Variants in FAM20B observed in about 807,000 individuals in gnomAD.
FAM20B encodes the protein glycosaminoglycan xylosylkinase.
In FAM20B, 23 loss-of-function variants were observed where a neutral mutation model predicts 43.8. That is an observed-to-expected ratio of 0.53 (90% CI 0.38 to 0.74). FAM20B has a LOEUF of 0.74. Among genes scored for constraint, FAM20B ranks in the 30% least tolerant of loss-of-function variants. FAM20B has a pLI of 0.00. For missense variants in FAM20B, 440 were observed against 510.5 expected (o/e 0.86, Z 1.33); for synonymous variants, 178 against 192.4 (o/e 0.93, Z 0.62).
At chr1:179,060,648 G>A (rs756902268) in intron 4 of FAM20B, among the ~76,000 whole-genome samples, 12 of 152,184 alleles carry the variant, frequency 7.9e-5, no homozygotes, top group Non-Finnish European at 1.3e-4. Flanking sequence ...CCCTGTCTGT[G>A]GAAAATTGTC....
the FAM20B span, among the ~76,000 whole-genome samples, chr1:179,017,382 C>G: frequency 6.6e-6 from 1 of 152,194 alleles, no homozygotes; most frequent in Non-Finnish European, 1.5e-5. Context: ...GCTTGAGCCT[C>G]TTTTGAGCTT....
chr1:179,047,879 T>C (rs1347401735), intron 2 of FAM20B, among the ~76,000 whole-genome samples: 1 of 152,222 alleles, frequency 6.6e-6, no homozygotes, highest in Non-Finnish European at 1.5e-5. Context: ...TTTGCTGCTC[T>C]GTCAGTGACT....
upstream of FAM20B, among the ~76,000 whole-genome samples, chr1:179,021,317 C>CAA (rs943728584): frequency 6.7e-6 from 1 of 148,338 alleles, no homozygotes; most frequent in African/African-American, 2.5e-5. Flanking sequence ...TCCATCACAA[C>CAA]AAAAAAAAAA....
chr1:179,066,924 C>T (rs1057105462), intron 7 of FAM20B, 65 bp downstream of exon 7: 3 of 1,186,928 alleles, frequency 2.5e-6, no homozygotes, highest in South Asian at 2.5e-5. Flanking sequence ...GGTAACAGTA[C>T]ATCCATTTTC....
At chr1:179,063,890 T>C (rs1651576414) in intron 4 of FAM20B, 37 bp from the exon 5 acceptor site, 1 of 1,506,998 alleles carries the variant, frequency 6.6e-7, no homozygotes, top group African/African-American at 1.4e-5. Context: ...GTCTTCGTTA[T>C]TTCCTTAAGT....
chr1:179,022,461 T>TGC (rs1309943999), upstream of FAM20B, among the ~76,000 whole-genome samples: 9 of 151,960 alleles, frequency 5.9e-5, no homozygotes, highest in South Asian at 2.1e-4. Context: ...TGTGTGTGTG[T>TGC]GCGCGCGCGC....
chr1:179,042,755 G>A (rs558575768), intron 1 of FAM20B, among the ~76,000 whole-genome samples: 1 of 152,306 alleles, frequency 6.6e-6, no homozygotes, highest in South Asian at 2.1e-4. Context: ...CAGCCATGTT[G>A]TTCTGATGAG....
chr1:179,070,405 G>A (rs575808767), intron 7 of FAM20B, among the ~76,000 whole-genome samples: 66 of 151,420 alleles, frequency 4.4e-4, no homozygotes, highest in African/African-American at 9.0e-4. Flanking sequence ...AGGCTAGAAC[G>A]TTAAATATCA....
intron 1 of FAM20B, among the ~76,000 whole-genome samples, chr1:179,041,705 G>GGGAGACA (rs933796047): frequency 1.6e-5 from 2 of 123,764 alleles, no homozygotes; most frequent in East Asian, 2.3e-4. Context: ...GAGACGGGGA[G>GGGAGACA]GGAGACAGGA....
chr1:179,039,082 A>G (rs1182612836), intron 1 of FAM20B, among the ~76,000 whole-genome samples: 1 of 151,968 alleles, frequency 6.6e-6, no homozygotes, highest in Non-Finnish European at 1.5e-5. Flanking sequence ...CATTTGCTCT[A>G]TTTTTTTGTA....
At chr1:179,050,394 A>G (rs766037805) in intron 3 of FAM20B, 29 bp downstream of exon 3, 89 of 1,571,070 alleles carry the variant, frequency 5.7e-5, no homozygotes, top group Non-Finnish European at 7.5e-5. Flanking sequence ...GCTTATGTTC[A>G]TTTTGTTTGC....
Position 179,054,643 on chromosome 1 carries a change from G to A in FAM20B, c.574+5G>A. On this transcript the variant is annotated splice_donor_5th_base_variant and intron_variant, in intron 4 of 7. Transcript: ENST00000263733. ...TGAGCACCTTCCTAACTGTAGGTAA[G>A]AAGATTGTAGAGGACATTTATATAG... The A allele has an allele frequency of 6.5e-7, 1 of 1,545,732 alleles. No homozygotes were observed. The highest frequency in any genetic ancestry group is 8.9e-7 in the Non-Finnish European group (1 of 1,118,702).
At chr1:179,060,099 A>T (rs1259817059) in intron 4 of FAM20B, among the ~76,000 whole-genome samples, 1 of 79,628 alleles carries the variant, frequency 1.3e-5, no homozygotes, top group Non-Finnish European at 2.3e-5. Flanking sequence ...AAATATATAT[A>T]TATTTTTTTA....
chr1:179,038,036 A>G (rs571060953), intron 1 of FAM20B, among the ~76,000 whole-genome samples: 3 of 152,306 alleles, frequency 2.0e-5, no homozygotes, highest in East Asian at 3.9e-4. Context: ...CCTTTGTGCA[A>G]AATGTTTGGA....
At position 179,073,296 on chromosome 1, in the gene FAM20B, T is replaced by G. The variant is rs1376033019; in HGVS notation, c.*1152T>G. On this transcript the variant is annotated 3_prime_UTR_variant, in exon 8 of 8. Transcript: ENST00000263733. ...CCATGGAAGATTGGAAACAAAGATTTTAAGCCTTCTTCTTTTTTTCTTTTT... is the reference window on the plus strand; with the variant it reads ...CCATGGAAGATTGGAAACAAAGATTGTAAGCCTTCTTCTTTTTTTCTTTTT... 6.6e-6 allele frequency: 1 copy of G among 152,254 alleles called. No individual in the cohort carries two copies. The highest frequency in any genetic ancestry group is 1.5e-5 in the Non-Finnish European group (1 of 68,128). 9.4% of individuals were successfully genotyped at this position (152,254 alleles called of 1,614,324 possible).
chr1:179,043,102 T>C (rs550013728), intron 1 of FAM20B, among the ~76,000 whole-genome samples: 3 of 152,284 alleles, frequency 2.0e-5, no homozygotes, highest in African/African-American at 7.2e-5. Context: ...GTGCCCAAGC[T>C]GTTTGTACCA....
chr1:179,023,329 G>A (rs112469107), upstream of FAM20B, among the ~76,000 whole-genome samples: 6 of 152,336 alleles, frequency 3.9e-5, no homozygotes, highest in African/African-American at 1.4e-4. Flanking sequence ...TCTACAAGTG[G>A]GAATAAAGAT....
At chr1:179,051,809 G>C (rs1249851769) in intron 3 of FAM20B, among the ~76,000 whole-genome samples, 2 of 152,004 alleles carry the variant, frequency 1.3e-5, no homozygotes, top group Admixed American at 1.3e-4. Context: ...ACCACACCCA[G>C]CTAATTTTTT....
At chr1:179,057,965 T>C (rs1288111767) in intron 4 of FAM20B, among the ~76,000 whole-genome samples, 1 of 152,226 alleles carries the variant, frequency 6.6e-6, no homozygotes, top group East Asian at 1.9e-4. Flanking sequence ...ATTTTAGGTT[T>C]GTATTTAACA....
Sources: gnomAD v4.1 joint callset for allele counts (sites outside exome capture counted in the v4.1 genomes callset) on GRCh38, gnomAD v4.1.1 for gene constraint, MANE v1.5 for transcripts, NCBI Gene and HGNC (gene_info 2026-07-23, HGNC 2026-07-21) for gene names.